KIRREL3: variants seen among roughly 807,000 people sequenced by gnomAD.
KIRREL3 encodes kirre like nephrin family adhesion molecule 3, also known as kin of IRRE-like protein 3.
A neutral mutation model predicts 89.7 loss-of-function variants in KIRREL3; 36 were observed. The ratio of observed to expected loss-of-function variants is 0.40; its 90% CI spans 0.31 to 0.53. The LOEUF (loss-of-function observed/expected upper bound fraction) is 0.53, where lower values mean the gene tolerates loss of function less well. Ranked by LOEUF, KIRREL3 falls within the 20% of genes least tolerant of loss-of-function variation. The pLI is 0.49. For synonymous variants in KIRREL3, 445 were observed against 441.4 expected (o/e 1.01, Z -0.10); for missense variants, 864 against 1,056.6 (o/e 0.82, Z 2.53).
chr11:126,479,336 T>C (rs973994912), intron 4 of KIRREL3, among the ~76,000 whole-genome samples: 1 of 152,124 alleles, frequency 6.6e-6, no homozygotes, highest in Non-Finnish European at 1.5e-5. Flanking sequence ...AACCTTTCTC[T>C]CACCAGCCTC....
At position 126,764,765 on chromosome 11, in the gene KIRREL3, T is replaced by C. The variant is rs995431493; in HGVS notation, c.56-201853A>G. Reference sequence around the variant, plus strand: ...ATCCAGCTTCTTAGGGCCTGTGCTGTAAGCCTCCGGGGCCATATAAACGCG... The same window carrying C: ...ATCCAGCTTCTTAGGGCCTGTGCTGCAAGCCTCCGGGGCCATATAAACGCG... On this transcript the variant is annotated intron_variant, in intron 1 of 16. Coordinates refer to ENST00000525144, the MANE Select transcript of KIRREL3 (RefSeq NM_032531.4). The surrounding 1 kb of genome is among the most constrained non-coding windows in gnomAD (Gnocchi z 4.2). Among the ~76,000 whole-genome samples, 4 of 152,264 alleles carry C rather than the reference T, an allele frequency of 2.6e-5. 1 individual carries two copies. Among genetic ancestry groups the C allele is most frequent in the South Asian group, 4.1e-4 (2 of 4,824 alleles).
At position 126,924,907 on chromosome 11, in the gene KIRREL3, A is replaced by ATG. The variant is rs998902365; in HGVS notation, c.55+75546_55+75547dup. ...ATTCGGTGTGACTGTGGCTCTGTGT[A>ATG]TGTGTGTGTGTGTACATGCTTATGT... On this transcript the variant is annotated intron_variant, in intron 1 of 16. Transcript: ENST00000525144. The surrounding 1 kb of genome is among the most constrained non-coding windows in gnomAD (Gnocchi z 4.7). Among the ~76,000 whole-genome samples, 20 of 148,712 alleles carry ATG rather than the reference A, an allele frequency of 1.3e-4. No individual in the cohort carries two copies. Among genetic ancestry groups the ATG allele is most frequent in the African/African-American group, 4.4e-4 (18 of 40,520 alleles).
chr11:126,679,830 C>A (rs931084954), intron 1 of KIRREL3, among the ~76,000 whole-genome samples: 2 of 152,130 alleles, frequency 1.3e-5, no homozygotes, highest in Non-Finnish European at 2.9e-5. Context: ...CTAACTTGCC[C>A]CAGCCAATTG....
In KIRREL3 at chr11:126,666,738, T is replaced by C. The variant is rs1186225766; in HGVS notation, c.56-103826A>G. Among the ~76,000 whole-genome samples, 2 of 152,236 alleles carry C rather than the reference T, an allele frequency of 1.3e-5. No individual in the cohort carries two copies. The highest frequency in any genetic ancestry group is 2.9e-5 in the Non-Finnish European group (2 of 68,044). The stretch of plus-strand genomic sequence containing the variant: ...GGTTTTTGCTTTTCCCATTTTTATT[T>C]GTATTGACTAGGAGGTCTTTCACCA... On this transcript the variant is annotated intron_variant, in intron 1 of 16. Transcript: ENST00000525144. The surrounding 1 kb of genome is among the most constrained non-coding windows in gnomAD (Gnocchi z 4.2).
rs1292067152 is a variant in KIRREL3 at position 126,883,132 on chromosome 11, T to C, written c.55+117323A>G. Among the ~76,000 whole-genome samples the C allele has an allele frequency of 6.6e-6, 1 of 152,230 alleles. No individual in the cohort carries two copies. Among genetic ancestry groups the C allele is most frequent in the East Asian group, 1.9e-4 (1 of 5,200 alleles). The stretch of plus-strand genomic sequence containing the variant: ...TACTTTAATTCACTTTGCCTTTCTC[T>C]TCTGAAAATTAATTGAGTCAGATAC... On this transcript the variant is annotated intron_variant, in intron 1 of 16. Coordinates refer to ENST00000525144, the MANE Select transcript of KIRREL3 (RefSeq NM_032531.4). This position sits in a 1 kb window ranked among gnomAD's most constrained non-coding sequence, Gnocchi z 4.1.
intron 1 of KIRREL3, among the ~76,000 whole-genome samples, chr11:126,675,731 G>T (rs1335125601): frequency 6.6e-6 from 1 of 152,164 alleles, no homozygotes; most frequent in Non-Finnish European, 1.5e-5. Flanking sequence ...CTCATGAAAG[G>T]TTTTGTAAGC....
intron 1 of KIRREL3, among the ~76,000 whole-genome samples, chr11:126,743,182 AC>A: frequency 6.6e-6 from 1 of 152,302 alleles, no homozygotes; most frequent in South Asian, 2.1e-4. Context: ...AACAAAAAAA[AC>A]AGCACAAAGA....
intron 1 of KIRREL3, among the ~76,000 whole-genome samples, chr11:126,646,060 T>A (rs966145536): frequency 1.3e-5 from 2 of 152,114 alleles, no homozygotes; most frequent in African/African-American, 4.8e-5. Context: ...TTTATTAAAA[T>A]AATAATACTC....
At chr11:126,853,117 T>G (rs1029062842) in intron 1 of KIRREL3, among the ~76,000 whole-genome samples, 3 of 152,286 alleles carry the variant, frequency 2.0e-5, no homozygotes, top group South Asian at 4.2e-4. Context: ...TTTTTCCAAA[T>G]GCTATCAATT....
intron 1 of KIRREL3, among the ~76,000 whole-genome samples, chr11:126,586,442 C>CT (rs1295273184): frequency 1.3e-5 from 2 of 152,042 alleles, no homozygotes; most frequent in Non-Finnish European, 2.9e-5. Flanking sequence ...CGTGGCCTCT[C>CT]TACTCACAGG....
rs1943112095 is a variant in KIRREL3 at position 126,611,174 on chromosome 11, A to G, written c.56-48262T>C. Among the ~76,000 whole-genome samples, 1 of 152,274 alleles carries G rather than the reference A, an allele frequency of 6.6e-6. No individual in the cohort carries two copies. Among genetic ancestry groups the G allele is most frequent in the South Asian group, 2.1e-4 (1 of 4,830 alleles). ...CCTAATCTGGGAGGTGGGAATAGTC[A>G]TAGAAAAAGGATCGTGGGGAAATGA... On this transcript the variant is annotated intron_variant, in intron 1 of 16. Coordinates refer to ENST00000525144, the MANE Select transcript of KIRREL3 (RefSeq NM_032531.4). The surrounding 1 kb of genome is among the most constrained non-coding windows in gnomAD (Gnocchi z 4.7).
chr11:126,603,892 C>A (rs142794978), intron 1 of KIRREL3, among the ~76,000 whole-genome samples: 73 of 152,266 alleles, frequency 4.8e-4, no homozygotes, highest in Non-Finnish European at 8.2e-4. Flanking sequence ...CCCAAATAGC[C>A]CCCCCTCCTC....
intron 1 of KIRREL3, among the ~76,000 whole-genome samples, chr11:126,824,208 A>G (rs996618364): frequency 6.6e-6 from 1 of 152,164 alleles, no homozygotes; most frequent in African/African-American, 2.4e-5. Context: ...CAGGCATCCC[A>G]GCAGGAGGGA....
rs1181027750 is a variant in KIRREL3 at position 126,898,533 on chromosome 11, A to ATACC, written c.55+101918_55+101921dup. On this transcript the variant is annotated intron_variant, in intron 1 of 16. Coordinates refer to ENST00000525144, the MANE Select transcript of KIRREL3 (RefSeq NM_032531.4). The surrounding 1 kb of genome is among the most constrained non-coding windows in gnomAD (Gnocchi z 4.9). ...CAATTAGAAACAATGAAGTGGGCAG[A>ATACC]TACCTAACAATACGAACAATTCCTA... is the stretch of plus-strand genomic sequence containing the variant. Among the ~76,000 whole-genome samples the ATACC allele has an allele frequency of 6.6e-6, 1 of 152,232 alleles. No homozygotes were observed. The highest frequency in any genetic ancestry group is 1.5e-5 in the Non-Finnish European group (1 of 68,036).
At position 126,946,712 on chromosome 11, in the gene KIRREL3, G is replaced by A. The variant is rs1242325363; in HGVS notation, c.55+53743C>T. Reference sequence around the variant, plus strand: ...ATGCTTGGATATCCTAATAACAGGTGTAATAATAATCACTACTCTTATTAA... The same window carrying A: ...ATGCTTGGATATCCTAATAACAGGTATAATAATAATCACTACTCTTATTAA... On this transcript the variant is annotated intron_variant, in intron 1 of 16. Transcript: ENST00000525144. This position sits in a 1 kb window ranked among gnomAD's most constrained non-coding sequence, Gnocchi z 4.1. 1.3e-5 allele frequency among the ~76,000 whole-genome samples: 2 copies of A among 152,182 alleles called. No individual in the cohort carries two copies. Among genetic ancestry groups the A allele is most frequent in the Non-Finnish European group, 2.9e-5 (2 of 68,042 alleles).
At chr11:126,613,647 G>A (rs1266204750) in intron 1 of KIRREL3, among the ~76,000 whole-genome samples, 1 of 152,044 alleles carries the variant, frequency 6.6e-6, no homozygotes, top group Non-Finnish European at 1.5e-5. Flanking sequence ...GAATATTGCA[G>A]TAGAGAAAGA....
chr11:126,927,149 T>A (rs543765935), intron 1 of KIRREL3, among the ~76,000 whole-genome samples: 8 of 152,344 alleles, frequency 5.3e-5, no homozygotes, highest in African/African-American at 1.9e-4. Context: ...CAGAAGGTTC[T>A]AAGGACAGCT....
Position 126,436,794 on chromosome 11 carries a change from GC to G in KIRREL3, c.1552+16del. ...TTCCATCGTTCGTTGTTCCCTCATG[GC>G]CCTGGCAGCTCTCACCTTGCTCCTT... On this transcript the variant is annotated intron_variant, in intron 12 of 16. Coordinates refer to ENST00000525144, the MANE Select transcript of KIRREL3 (RefSeq NM_032531.4). 6.2e-7 allele frequency: 1 copy of G among 1,612,976 alleles called. No individual in the cohort carries two copies. The highest frequency in any genetic ancestry group is 1.3e-5 in the African/African-American group (1 of 75,036).
intron 8 of KIRREL3, 23 bp from the exon 9 acceptor site, chr11:126,446,909 A>G: frequency 1.2e-6 from 2 of 1,601,596 alleles, no homozygotes; most frequent in Admixed American, 3.4e-5. Context: ...GAAGAAGAAG[A>G]CAGGTTCAGG....
Sources: gnomAD v4.1 joint callset for allele counts (sites outside exome capture counted in the v4.1 genomes callset) on GRCh38, gnomAD v4.1.1 for gene constraint, Gnocchi (gnomAD v3.1) non-coding constraint, MANE v1.5 for transcripts, NCBI Gene and HGNC (gene_info 2026-07-23, HGNC 2026-07-21) for gene names.